Variants in ANO3 observed in about 807,000 individuals in gnomAD.
The protein encoded by ANO3 is anoctamin-3.
ANO3 carries 99 observed loss-of-function variants against 144.8 expected under a neutral mutation model. The ratio of observed to expected loss-of-function variants is 0.68; its 90% confidence interval spans 0.58 to 0.81. ANO3 has a LOEUF of 0.81. Among genes scored for constraint, ANO3 ranks in the 30% least tolerant of loss-of-function variants. The pLI, the probability that ANO3 is intolerant of heterozygous loss-of-function variation, is 0.00. For missense variants in ANO3, 905 were observed against 1,202.2 expected (o/e 0.75, Z 3.66); for synonymous variants, 414 against 392.6 (o/e 1.05, Z -0.64).
At chr11:26,220,188 G>C (rs1852113932) in intron 1 of ANO3, among the ~76,000 whole-genome samples, 1 of 152,158 alleles carries the variant, frequency 6.6e-6, no homozygotes, top group Admixed American at 6.5e-5. Context: ...CCCAAATCTG[G>C]AGGTAAAGAT....
chr11:26,189,351 A>G, intron 1 of ANO3: 3 of 982,310 alleles, frequency 3.1e-6, no homozygotes, highest in Non-Finnish European at 3.6e-6. Flanking sequence ...CTTTAGATTG[A>G]TATGTATGAG....
intron 1 of ANO3, among the ~76,000 whole-genome samples, chr11:26,257,209 G>C (rs1903457): frequency 0.36 from 54,580 of 151,652 alleles, 9,937 homozygotes; most frequent in South Asian, 0.39. Context: ...TATACATACA[G>C]AAGCATACAC....
Position 26,661,933 on chromosome 11 carries a change from A to G in ANO3, c.*1489A>G, listed in dbSNP as rs1371923164. On this transcript the variant is annotated 3_prime_UTR_variant, in exon 27 of 27. Transcript: ENST00000256737. ...AAATCACACATATGCACACATACAT[A>G]TTTATGGTTACTATGATTGTTATTA... The G allele has an allele frequency of 6.6e-6, 1 of 151,898 alleles. No individual in the cohort carries two copies. Among genetic ancestry groups the G allele is most frequent in the Non-Finnish European group, 1.5e-5 (1 of 67,880 alleles). 9.4% of individuals were successfully genotyped at this position (151,898 alleles called of 1,614,324 possible).
rs11029377 is a variant in ANO3 at position 26,194,996 on chromosome 11, T to C, written c.154+5666T>C. ...TTTCTTTGTGTTACAAACATTCCAA[T>C]TGCATTCTGATGAAATGTCAGACTG... On this transcript the variant is annotated intron_variant, in intron 1 of 27. Coordinates refer to the ANO3 transcript ENST00000672621. Among the ~76,000 whole-genome samples, 181 of 152,352 alleles carry C rather than the reference T, an allele frequency of 1.2e-3. 2 individuals are homozygous for C. In the East Asian group the frequency reaches 0.026, roughly 22 times the overall value.
Position 26,212,338 on chromosome 11 carries a change from C to T in ANO3, c.154+23008C>T, listed in dbSNP as rs996265062. Among the ~76,000 whole-genome samples the T allele has an allele frequency of 2.7e-5, 4 of 150,418 alleles. No homozygotes were observed. In the East Asian group the frequency reaches 7.8e-4, roughly 29 times the overall value. On this transcript the variant is annotated intron_variant, in intron 1 of 27. Coordinates refer to the ANO3 transcript ENST00000672621. Reference sequence around the variant, plus strand: ...CATGAAAAACCCTTCAAAAAATCAACGAATCCAGGAGCTGTTTTTTTTTCA... The same window carrying T: ...CATGAAAAACCCTTCAAAAAATCAATGAATCCAGGAGCTGTTTTTTTTTCA...
intron 1 of ANO3, among the ~76,000 whole-genome samples, chr11:26,355,590 A>ATTTTTTT (rs1855761159): frequency 7.1e-6 from 1 of 141,642 alleles, no homozygotes. Flanking sequence ...ATGAAGTTTC[A>ATTTTTTT]CTCTCTTTGC....
At chr11:26,447,265 C>T (rs912525847) in intron 3 of ANO3, among the ~76,000 whole-genome samples, 4 of 147,818 alleles carry the variant, frequency 2.7e-5, no homozygotes, top group Admixed American at 6.8e-5. Context: ...AATGATGGCA[C>T]GATGGATAAA....
chr11:26,533,140 G>A (rs1849415803), intron 8 of ANO3, among the ~76,000 whole-genome samples: 1 of 152,098 alleles, frequency 6.6e-6, no homozygotes. Flanking sequence ...CTTAAATGAT[G>A]CAGAGTAAAA....
intron 9 of ANO3, among the ~76,000 whole-genome samples, chr11:26,535,308 A>G (rs2134192226): frequency 6.6e-6 from 1 of 152,358 alleles, no homozygotes; most frequent in South Asian, 2.1e-4. Context: ...ATAATACAAA[A>G]TAAACTTGAG....
intron 1 of ANO3, among the ~76,000 whole-genome samples, chr11:26,441,530 T>C (rs1330790178): frequency 6.6e-6 from 1 of 152,150 alleles, no homozygotes; most frequent in East Asian, 1.9e-4. Context: ...GGGCCCCATT[T>C]AGTAATTTCA....
Position 26,629,201 on chromosome 11 carries a change from T to G in ANO3, c.1873+4703T>G, listed in dbSNP as rs145433657. 6.3e-3 allele frequency among the ~76,000 whole-genome samples: 965 copies of G among 152,238 alleles called. 5 individuals carry two copies. Among genetic ancestry groups the G allele is most frequent in the Non-Finnish European group, 9.3e-3 (631 of 68,012 alleles). ...CATCAGAATGGGTAAAGCAACTGAA[T>G]AGCACTCAGCATGTCTCCAACTTGG... is the stretch of plus-strand genomic sequence containing the variant. On this transcript the variant is annotated intron_variant, in intron 18 of 26. Coordinates refer to ENST00000256737, the MANE Select transcript of ANO3 (RefSeq NM_031418.4).
Position 26,463,081 on chromosome 11 carries a change from A to G in ANO3, c.365A>G (p.Asp122Gly). 1 of 1,599,076 alleles carries G rather than the reference A, an allele frequency of 6.3e-7. No homozygotes were observed. The highest frequency in any genetic ancestry group is 8.5e-7 in the Non-Finnish European group (1 of 1,172,642). ...GATGAATCAGAACACGCTACTTATG[A>G]CCGATCTCGTCTCATTAATGACTTT... ...YTDESEHATY[D>G]RSRLINDFVI... The change falls in exon 4 of 27, where the codon GAC becomes GGC. Residue 122 changes from aspartate (D) to glycine (G), a missense_variant. Around this residue, in one of 4 missense-constraint regions of ANO3, gnomAD observed 174 missense variants for 171.9 expected, o/e 1.01. Transcript: ENST00000256737.
chr11:26,473,042 C>A (rs148809892), intron 4 of ANO3, among the ~76,000 whole-genome samples: 1 of 152,078 alleles, frequency 6.6e-6, no homozygotes, highest in African/African-American at 2.4e-5. Context: ...TTTCATTAAT[C>A]CCTTCATGCC....
At chr11:26,190,379 A>T (rs1218614297) in intron 1 of ANO3, among the ~76,000 whole-genome samples, 1 of 152,100 alleles carries the variant, frequency 6.6e-6, no homozygotes. Flanking sequence ...GAGATAAGAC[A>T]TTCTTTTATA....
chr11:26,315,026 A>G (rs969820404), intron 1 of ANO3, among the ~76,000 whole-genome samples: 38 of 152,220 alleles, frequency 2.5e-4, no homozygotes, highest in African/African-American at 8.9e-4. Flanking sequence ...TTTATGAGTA[A>G]ATATTATTGT....
chr11:26,394,190 A>G (rs1382984681), intron 1 of ANO3, among the ~76,000 whole-genome samples: 2 of 152,106 alleles, frequency 1.3e-5, no homozygotes, highest in African/African-American at 2.4e-5. Context: ...AATTCTAATC[A>G]TATTTTCTAA....
chr11:26,368,740 C>T (rs1856165428), intron 1 of ANO3, among the ~76,000 whole-genome samples: 1 of 151,590 alleles, frequency 6.6e-6, no homozygotes, highest in South Asian at 2.1e-4. Flanking sequence ...AGAAAATTAG[C>T]TAGAAGGAAA....
intron 1 of ANO3, among the ~76,000 whole-genome samples, chr11:26,290,793 G>C (rs759097796): frequency 6.6e-6 from 1 of 152,168 alleles, no homozygotes; most frequent in Non-Finnish European, 1.5e-5. Context: ...TACAATTTCT[G>C]TTCTTTTACA....
chr11:26,432,209 C>G (rs4339995), intron 1 of ANO3, among the ~76,000 whole-genome samples: 1 of 151,858 alleles, frequency 6.6e-6, no homozygotes, highest in Non-Finnish European at 1.5e-5. Flanking sequence ...TATATCTTCT[C>G]TTGAAGAGTG....
Sources: gnomAD v4.1 joint callset for allele counts (sites outside exome capture counted in the v4.1 genomes callset) on GRCh38, gnomAD v4.1.1 for gene constraint, gnomAD v4.1.1 regional missense constraint, MANE v1.5 for transcripts, NCBI Gene and HGNC (gene_info 2026-07-23, HGNC 2026-07-21) for gene names.